The following MAGI1 variants were observed in gnomAD, a reference collection of about 807,000 sequenced individuals.
The protein encoded by MAGI1 is membrane-associated guanylate kinase, WW and PDZ domain-containing protein 1.
Under a neutral mutation model 139.9 loss-of-function variants are expected in MAGI1, and 58 were observed. The ratio of observed to expected loss-of-function variants is 0.41; its 90% CI spans 0.34 to 0.52. MAGI1 has a LOEUF of 0.52. Ranked by LOEUF, MAGI1 falls within the 20% of genes least tolerant of loss-of-function variation. MAGI1 has a pLI of 0.12. For missense variants in MAGI1, 1,874 were observed against 1,901.6 expected (o/e 0.99, Z 0.27); for synonymous variants, 812 against 737.9 (o/e 1.10, Z -1.63).
chr3:65,889,533 T>C (rs1056007371), intron 1 of MAGI1, among the ~76,000 whole-genome samples: 2 of 152,208 alleles, frequency 1.3e-5, no homozygotes, highest in African/African-American at 2.4e-5. Context: ...TCTAAGCTCA[T>C]GCCAACCAAC....
At chr3:65,517,380 T>C (rs970295907) in intron 2 of MAGI1, among the ~76,000 whole-genome samples, 1 of 152,174 alleles carries the variant, frequency 6.6e-6, no homozygotes, top group Non-Finnish European at 1.5e-5. Context: ...GAACTACCTA[T>C]CCTGCTTTAT....
At chr3:65,652,309 G>A (rs200892609) in intron 1 of MAGI1, among the ~76,000 whole-genome samples, 21 of 152,080 alleles carry the variant, frequency 1.4e-4, no homozygotes, top group South Asian at 2.1e-4. Context: ...AGTGACTAAC[G>A]GGGAGAGATA....
At chr3:65,850,604 C>T (rs2059168085) in intron 1 of MAGI1, among the ~76,000 whole-genome samples, 1 of 152,114 alleles carries the variant, frequency 6.6e-6, no homozygotes, top group African/African-American at 2.4e-5. Flanking sequence ...TAGAATAGAA[C>T]TCAAGCTGTC....
rs77543535 is a variant in MAGI1, at chr3:65,586,803, A to T, written c.430+35169T>A. Among the ~76,000 whole-genome samples, 1,117 of 152,098 alleles carry T rather than the reference A, an allele frequency of 7.3e-3. 16 individuals are homozygous for T. The highest frequency in any genetic ancestry group is 0.026 in the African/African-American group (1,073 of 41,470). On this transcript the variant is annotated intron_variant, in intron 2 of 22. Transcript: ENST00000402939. ...TTTTAACACCTTCTCACTAGTTGGC[A>T]AGCAGAACAGTTCGCTCCAATATCT...
At chr3:65,634,227 T>C (rs887279718) in intron 1 of MAGI1, among the ~76,000 whole-genome samples, 2 of 152,152 alleles carry the variant, frequency 1.3e-5, no homozygotes, top group African/African-American at 2.4e-5. Context: ...CTAGGAAATG[T>C]TCACAATCAG....
intron 1 of MAGI1, among the ~76,000 whole-genome samples, chr3:65,871,406 G>T (rs747670018): frequency 3.9e-5 from 6 of 152,200 alleles, no homozygotes; most frequent in Non-Finnish European, 5.9e-5. Flanking sequence ...CTTGCTCCAG[G>T]ATTGGGACAG....
intron 1 of MAGI1, among the ~76,000 whole-genome samples, chr3:65,969,004 T>C (rs1375455526): frequency 2.6e-5 from 4 of 152,188 alleles, no homozygotes; most frequent in African/African-American, 9.7e-5. Flanking sequence ...AAAGAAGGAC[T>C]ACGTAATTTG....
chr3:65,601,487 T>C (rs1174283452), intron 2 of MAGI1, among the ~76,000 whole-genome samples: 1 of 152,192 alleles, frequency 6.6e-6, no homozygotes, highest in Non-Finnish European at 1.5e-5. Flanking sequence ...TTAATTATGC[T>C]TTCTATGCAT....
intron 1 of MAGI1, among the ~76,000 whole-genome samples, chr3:65,945,157 A>G (rs1414557147): frequency 2.0e-5 from 3 of 152,174 alleles, no homozygotes; most frequent in Non-Finnish European, 4.4e-5. Context: ...CTCTCTCCCA[A>G]ACATCCTGAT....
chr3:65,480,754 T>G (rs564369904), intron 3 of MAGI1, among the ~76,000 whole-genome samples: 1 of 151,730 alleles, frequency 6.6e-6, no homozygotes, highest in East Asian at 2.0e-4. Flanking sequence ...CCTGGCTAAC[T>G]TTTTTGTATT....
Position 65,547,306 on chromosome 3 carries a change from C to T in MAGI1, c.431-53675G>A, listed in dbSNP as rs138865271. Among the ~76,000 whole-genome samples the T allele has an allele frequency of 2.7e-4, 41 of 152,286 alleles. 1 individual carries two copies. The highest frequency in any genetic ancestry group is 9.1e-4 in the African/African-American group (38 of 41,552). ...AGAGCTGAATGTCAGCGTAGACAGCCTCTGCTTTAAAATCTCTATAAAGGG... is the reference window on the plus strand; with the variant it reads ...AGAGCTGAATGTCAGCGTAGACAGCTTCTGCTTTAAAATCTCTATAAAGGG... On this transcript the variant is annotated intron_variant, in intron 2 of 22. Transcript: ENST00000402939.
chr3:65,699,877 T>TA (rs2089478507), intron 1 of MAGI1, among the ~76,000 whole-genome samples: 2 of 147,066 alleles, frequency 1.4e-5, no homozygotes, highest in Admixed American at 6.8e-5. Flanking sequence ...TAAAGTATAA[T>TA]AAAAAAATAA....
chr3:65,811,203 T>C (rs1021179687), intron 1 of MAGI1, among the ~76,000 whole-genome samples: 1 of 152,198 alleles, frequency 6.6e-6, no homozygotes, highest in Non-Finnish European at 1.5e-5. Flanking sequence ...ATCTTGGCTC[T>C]TCAACATTTG....
intron 1 of MAGI1, among the ~76,000 whole-genome samples, chr3:66,003,357 G>A (rs2066850485): frequency 6.6e-6 from 1 of 152,092 alleles, no homozygotes. Context: ...TTGATTCAAG[G>A]TTAAAGAGGA....
chr3:65,432,287 T>C lies in MAGI1; in HGVS notation c.1364-1406A>G, dbSNP rs187860965. ...GTCCTTGCCACACACAGCTTCTCCA[T>C]CTGCCCTGTTTCTTTTCTATCAAAA... On this transcript the variant is annotated intron_variant, in intron 10 of 22. Coordinates refer to ENST00000402939, the MANE Select transcript of MAGI1 (RefSeq NM_001033057.2). Among the ~76,000 whole-genome samples the C allele has an allele frequency of 2.4e-4, 37 of 152,234 alleles. No individual in the cohort carries two copies. The East Asian group carries it at 6.4e-3, about 26-fold the overall frequency.
chr3:65,708,922 C>T (rs1178325863), intron 1 of MAGI1, among the ~76,000 whole-genome samples: 2 of 152,166 alleles, frequency 1.3e-5, no homozygotes, highest in Admixed American at 1.3e-4. Context: ...TAATTTCCAA[C>T]TCTATCACCC....
At chr3:65,916,049 A>G (rs1272973819) in intron 1 of MAGI1, among the ~76,000 whole-genome samples, 5 of 146,898 alleles carry the variant, frequency 3.4e-5, no homozygotes, top group African/African-American at 1.0e-4. Context: ...TATATTATAT[A>G]TATATATTCA....
chr3:65,509,222 G>A (rs1022269804), intron 2 of MAGI1, among the ~76,000 whole-genome samples: 2 of 152,160 alleles, frequency 1.3e-5, no homozygotes, highest in African/African-American at 4.8e-5. Flanking sequence ...GTATTTAAAT[G>A]AAGCAGTAGG....
chr3:66,030,274 G>C (rs1356569263), intron 1 of MAGI1, among the ~76,000 whole-genome samples: 1 of 152,194 alleles, frequency 6.6e-6, no homozygotes, highest in Non-Finnish European at 1.5e-5. Context: ...TCCATCATCA[G>C]TCACCTAAAT....
Sources: allele counts gnomAD v4.1 joint callset (sites outside exome capture counted in the v4.1 genomes callset), GRCh38; gene constraint gnomAD v4.1.1; transcripts MANE v1.5; gene names NCBI Gene and HGNC (gene_info 2026-07-23, HGNC 2026-07-21).